The following WDR27 variants were observed in gnomAD, a reference collection of about 807,000 sequenced individuals.
WDR27 encodes WD repeat domain 27.
Under a neutral mutation model 114.4 loss-of-function variants are expected in WDR27, and 100 were observed. That is an observed-to-expected ratio of 0.87 (90% CI 0.74 to 1.03). The LOEUF (loss-of-function observed/expected upper bound fraction) is 1.03, where lower values mean the gene tolerates loss of function less well. Ranked by LOEUF, WDR27 falls within the 50% of genes least tolerant of loss-of-function variation. The pLI, the probability that WDR27 is intolerant of heterozygous loss-of-function variation, is 0.00. For missense variants in WDR27, 1,129 were observed against 1,092.9 expected, an observed-to-expected ratio of 1.03 and a Z score of -0.47; for synonymous variants, 449 against 423.1, an observed-to-expected ratio of 1.06 and a Z score of -0.75.
chr6:169,544,437 T>G (rs552151731), intron 25 of WDR27, among the ~76,000 whole-genome samples: 42 of 151,742 alleles, frequency 2.8e-4, no homozygotes, highest in South Asian at 6.3e-4. Flanking sequence ...TTTTTTTTTT[T>G]TTTGTTTGTT....
intron 25 of WDR27, among the ~76,000 whole-genome samples, chr6:169,564,369 T>C (rs1310575435): frequency 6.6e-6 from 1 of 152,174 alleles, no homozygotes; most frequent in Non-Finnish European, 1.5e-5. Flanking sequence ...CAGACTCCAA[T>C]GGTAATCTCC....
chr6:169,520,729 C>T (rs986768034), intron 25 of WDR27, among the ~76,000 whole-genome samples: 3 of 151,912 alleles, frequency 2.0e-5, no homozygotes, highest in Non-Finnish European at 4.4e-5. Flanking sequence ...CTGAGAAATA[C>T]ATTTGCTGAA....
Position 169,659,080 on chromosome 6 carries a change from C to T in WDR27, c.1319+6G>A. On this transcript the variant is annotated splice_donor_region_variant and intron_variant, in intron 12 of 25. Transcript: ENST00000448612. The surrounding 1 kb of genome is among the most constrained non-coding windows in gnomAD (Gnocchi z 4.3). ...CACACACACTCCACACTTGAAGACA[C>T]TCTACCTGGCTGGCACCGAGAGGCT... 6.5e-7 allele frequency: 1 copy of T among 1,542,116 alleles called. No homozygotes were observed. The highest frequency in any genetic ancestry group is 8.7e-7 in the Non-Finnish European group (1 of 1,147,110).
the WDR27 span, among the ~76,000 whole-genome samples, chr6:169,443,962 G>T: frequency 2.4e-4 from 36 of 152,212 alleles, no homozygotes; most frequent in East Asian, 5.8e-3. Context: ...GGAAGATGGC[G>T]GCATAGACAT....
At chr6:169,606,564 T>C (rs1481831440) in intron 22 of WDR27, among the ~76,000 whole-genome samples, 1 of 152,206 alleles carries the variant, frequency 6.6e-6, no homozygotes, top group South Asian at 2.1e-4. Flanking sequence ...ACATGCAGTG[T>C]TTGGTTTTAT....
At chr6:169,646,366 C>T (rs1820747412) in intron 16 of WDR27, among the ~76,000 whole-genome samples, 1 of 152,214 alleles carries the variant, frequency 6.6e-6, no homozygotes, top group Non-Finnish European at 1.5e-5. Context: ...GAAACAAGGT[C>T]CTGGAGCCTG....
At chr6:169,543,991 A>G (rs1458199449) in intron 25 of WDR27, among the ~76,000 whole-genome samples, 3 of 152,264 alleles carry the variant, frequency 2.0e-5, no homozygotes, top group Admixed American at 2.0e-4. Context: ...GACCACATCA[A>G]CAAGCTAAAG....
intron 24 of WDR27, among the ~76,000 whole-genome samples, chr6:169,580,264 C>A (rs1265540322): frequency 6.6e-6 from 1 of 152,206 alleles, no homozygotes; most frequent in Non-Finnish European, 1.5e-5. Context: ...AAATAAACAC[C>A]ACCTCCAAGT....
At chr6:169,584,050 C>T (rs1484134713) in intron 23 of WDR27, among the ~76,000 whole-genome samples, 1 of 77,862 alleles carries the variant, frequency 1.3e-5, no homozygotes, top group Non-Finnish European at 2.7e-5. Context: ...TATCCTTTGA[C>T]CCACATCTCC....
chr6:169,426,945 C>T, the WDR27 span: 1 of 90,300 alleles, frequency 1.1e-5, no homozygotes, highest in African/African-American at 4.1e-5. Flanking sequence ...AGACAAGGGT[C>T]GTGGCAGTGC....
rs975398484 is a variant in WDR27 at position 169,610,220 on chromosome 6, G to A, written c.2321+3339C>T. Among the ~76,000 whole-genome samples the A allele has an allele frequency of 4.6e-5, 7 of 152,102 alleles. No homozygotes were observed. The South Asian group carries it at 1.2e-3, about 27-fold the overall frequency. On this transcript the variant is annotated intron_variant, in intron 22 of 25. Coordinates refer to ENST00000448612, the MANE Select transcript of WDR27 (RefSeq NM_182552.5). ...CTGCCTGTTACCCAGTTCCAAAGTC[G>A]CTTCCACATTTTTGGATATCTTCTC...
intron 12 of WDR27, among the ~76,000 whole-genome samples, chr6:169,658,572 T>C (rs1824983191): frequency 6.6e-6 from 1 of 152,218 alleles, no homozygotes; most frequent in Non-Finnish European, 1.5e-5. Flanking sequence ...GTACATTCTA[T>C]TATGAAATAG....
chr6:169,640,911 G>T (rs1818989234), intron 17 of WDR27, among the ~76,000 whole-genome samples: 1 of 152,196 alleles, frequency 6.6e-6, no homozygotes, highest in Admixed American at 6.5e-5. Flanking sequence ...CTGAGGATGT[G>T]TTTTCTACGT....
chr6:169,685,337 G>T (rs1782633899), intron 2 of WDR27, among the ~76,000 whole-genome samples: 1 of 150,708 alleles, frequency 6.6e-6, no homozygotes, highest in Non-Finnish European at 1.5e-5. Context: ...CAATTTTCCA[G>T]TAACAGACAC....
chr6:169,682,348 G>C (rs1336877995), intron 2 of WDR27, among the ~76,000 whole-genome samples: 1 of 152,172 alleles, frequency 6.6e-6, no homozygotes, highest in Non-Finnish European at 1.5e-5. Flanking sequence ...TGACACACCT[G>C]TCTGGGCCAC....
intron 25 of WDR27, among the ~76,000 whole-genome samples, chr6:169,502,316 C>T (rs1791390128): frequency 6.6e-6 from 1 of 152,218 alleles, no homozygotes; most frequent in Non-Finnish European, 1.5e-5. Flanking sequence ...TGAAAGATTC[C>T]CCCGGAAGCT....
intron 24 of WDR27, among the ~76,000 whole-genome samples, chr6:169,578,955 T>C (rs1022289306): frequency 6.6e-6 from 1 of 152,168 alleles, no homozygotes; most frequent in Non-Finnish European, 1.5e-5. Context: ...AGGTTCCTTA[T>C]GTAAGGTCTC....
chr6:169,686,235 T>C (rs1383134433), intron 2 of WDR27, among the ~76,000 whole-genome samples: 1 of 152,050 alleles, frequency 6.6e-6, no homozygotes, highest in African/African-American at 2.4e-5. Context: ...TCCACCATCA[T>C]GAAAACATGG....
intron 25 of WDR27, among the ~76,000 whole-genome samples, chr6:169,521,679 G>A (rs1173486900): frequency 1.3e-5 from 2 of 151,880 alleles, no homozygotes; most frequent in Non-Finnish European, 2.9e-5. Flanking sequence ...AAAATGTAGA[G>A]TATTTTTTTC....
Sources: gnomAD v4.1 joint callset for allele counts (sites outside exome capture counted in the v4.1 genomes callset) on GRCh38, gnomAD v4.1.1 for gene constraint, Gnocchi (gnomAD v3.1) non-coding constraint, MANE v1.5 for transcripts, NCBI Gene and HGNC (gene_info 2026-07-23, HGNC 2026-07-21) for gene names.